Variants in ATIC observed in about 807,000 individuals in gnomAD.
ATIC encodes bifunctional purine biosynthesis protein ATIC.
A neutral mutation model predicts 72.5 loss-of-function variants in ATIC; 64 were observed. That is an observed-to-expected ratio of 0.88 (90% CI 0.72 to 1.09). The LOEUF (loss-of-function observed/expected upper bound fraction) is 1.09, where lower values mean the gene tolerates loss of function less well. ATIC is among the 50% of genes least tolerant of loss of function. The pLI, the probability that ATIC is intolerant of heterozygous loss-of-function variation, is 0.00. For missense variants in ATIC, 787 were observed against 732.4 expected (o/e 1.07, Z -0.86); for synonymous variants, 281 against 267.1 (o/e 1.05, Z -0.51).
chr2:215,329,777 T>G (rs946802278), intron 7 of ATIC, among the ~76,000 whole-genome samples: 2 of 152,186 alleles, frequency 1.3e-5, no homozygotes, highest in Admixed American at 6.5e-5. Flanking sequence ...ACTCTTTTTT[T>G]TTTGAGGCAG....
rs192617117 is a variant in ATIC, at chr2:215,344,735, G to T, written c.1228-44G>T. 3.6e-5 allele frequency: 57 copies of T among 1,567,740 alleles called. No individual in the cohort carries two copies. In the African/African-American group the frequency reaches 5.9e-4, roughly 16 times the overall value. On this transcript the variant is annotated intron_variant, in intron 12 of 15. Coordinates refer to ENST00000236959, the MANE Select transcript of ATIC (RefSeq NM_004044.7). The stretch of plus-strand genomic sequence containing the variant: ...AAAAAAGAAGCTTAAAGTTAAATGA[G>T]TTTAAAAGGCCCCATGCAATTTACC...
In ATIC at chr2:215,328,128, C is replaced by G. The variant is rs1203342662; in HGVS notation, c.688+1150C>G. Among the ~76,000 whole-genome samples, 5 of 151,900 alleles carry G rather than the reference C, an allele frequency of 3.3e-5. No individual in the cohort carries two copies. The East Asian group carries it at 9.7e-4, about 29-fold the overall frequency. On this transcript the variant is annotated intron_variant, in intron 7 of 15. Transcript: ENST00000236959. ...ACCTCAAGTTATCTGCCTATCTCAG[C>G]CTCCCAGAGTGCTGGGATTACAGGC...
chr2:215,328,076 G>A (rs35280333), intron 7 of ATIC, among the ~76,000 whole-genome samples: 20,029 of 151,626 alleles, frequency 0.13, 1,701 homozygotes, highest in South Asian at 0.22. Context: ...GTTTCACCAT[G>A]TTGGCCAGGC....
intron 4 of ATIC, among the ~76,000 whole-genome samples, chr2:215,322,318 A>G (rs559651272): frequency 6.8e-6 from 1 of 146,114 alleles, no homozygotes; most frequent in African/African-American, 2.6e-5. Flanking sequence ...ATTTTTGTGT[A>G]TATTTTCTTT....
Position 215,346,873 on chromosome 2 carries a change from A to G in ATIC, c.1435A>G (p.Lys479Glu), listed in dbSNP as rs1476986818. 5 of 1,614,098 alleles carry G rather than the reference A, an allele frequency of 3.1e-6. No individual in the cohort carries two copies. Among genetic ancestry groups the G allele is most frequent in the Admixed American group, 1.7e-5 (1 of 60,014 alleles). ...TCCACAAGTGCTTTCGATGAAGTTT[A>G]AAACAGGAGTGAAGAGAGCAGAAAT... ...HHPQVLSMKFKTGVKRAEISN... is the reference protein window; with the variant it reads ...HHPQVLSMKFETGVKRAEISN... The change falls in exon 14 of 16, where the codon AAA (lysine) becomes GAA (glutamate). Residue 479 changes from lysine (K) to glutamate (E), a missense_variant. Transcript: ENST00000236959.
chr2:215,326,793 G>A lies in ATIC; in HGVS notation c.532-29G>A, dbSNP rs773713616. On this transcript the variant is annotated intron_variant, in intron 6 of 15. Coordinates refer to ENST00000236959, the MANE Select transcript of ATIC (RefSeq NM_004044.7). ...GTCCCCACTTTGGAAAGTGCTGCTC[G>A]TGTCTCACAAAACTTACGCTTTTTG... The A allele has an allele frequency of 1.7e-5, 28 of 1,613,306 alleles. 1 individual carries two copies. Among genetic ancestry groups the A allele is most frequent in the African/African-American group, 2.7e-5 (2 of 74,878 alleles).
intron 7 of ATIC, among the ~76,000 whole-genome samples, chr2:215,329,463 A>C (rs1360420584): frequency 3.3e-5 from 5 of 152,156 alleles, no homozygotes; most frequent in Non-Finnish European, 1.5e-5. Context: ...ACATGGGCTT[A>C]TTTCCACAAT....
At chr2:215,348,046 G>A (rs2053090576) in intron 14 of ATIC, among the ~76,000 whole-genome samples, 1 of 152,156 alleles carries the variant, frequency 6.6e-6, no homozygotes, top group Admixed American at 6.6e-5. Context: ...CTTCACAGAA[G>A]GGGCATACTT....
intron 11 of ATIC, among the ~76,000 whole-genome samples, chr2:215,336,342 C>T (rs994569283): frequency 2.0e-5 from 3 of 152,162 alleles, no homozygotes; most frequent in African/African-American, 7.2e-5. Flanking sequence ...GTTGTGATGG[C>T]TCATGCCTAT....
rs2052822703 is a variant in ATIC, at chr2:215,326,137, A to G, written c.530A>G (p.Lys177Arg). The G allele has an allele frequency of 1.2e-6, 2 of 1,613,894 alleles. No individual in the cohort carries two copies. The highest frequency in any genetic ancestry group is 8.5e-7 in the Non-Finnish European group (1 of 1,179,864). Residue 177 changes from lysine (K) to arginine (R), a missense_variant and splice_region_variant, in exon 6 of 16, where the codon AAG (lysine) becomes AGG (arginine). Transcript: ENST00000236959. ...SLETRRQLAL[K>R]AFTHTAQYDE... ...GAGACTAGACGCCAGTTAGCCTTGA[A>G]GGTGGGATGCACTTTCATGATATTG...
At chr2:215,345,244 G>T in intron 13 of ATIC, 1 of 330,192 alleles carries the variant, frequency 3.0e-6, no homozygotes, top group South Asian at 2.6e-5. Flanking sequence ...CTATATTTTT[G>T]CAGCCTGCAG....
the ATIC span, among the ~76,000 whole-genome samples, chr2:215,368,251 T>C: frequency 1.3e-5 from 2 of 152,220 alleles, no homozygotes; most frequent in Non-Finnish European, 2.9e-5. Flanking sequence ...TCTTTTATTT[T>C]TCCCTTGCTT....
rs754481780 is a variant in ATIC at position 215,326,948 on chromosome 2, T to C, written c.658T>C (p.Tyr220His). The change falls in exon 7 of 16, where the codon TAC becomes CAC. Residue 220 changes from tyrosine to histidine, a missense_variant. By Grantham distance (83) the Tyr-to-His change is moderately conservative. Transcript: ENST00000236959. ...CCCACATCAGACCCCTGCCCAGCTG[T>C]ACACACTGCAGCCCAAGCTTCCCAT... is the stretch of plus-strand genomic sequence containing the variant. ...MNPHQTPAQL[Y>H]TLQPKLPITV... 1.9e-6 allele frequency: 3 copies of C among 1,614,184 alleles called. No homozygotes were observed. The East Asian group carries it at 6.7e-5, about 36-fold the overall frequency.
the ATIC span, among the ~76,000 whole-genome samples, chr2:215,360,053 C>T: frequency 3.3e-5 from 5 of 152,254 alleles, no homozygotes; most frequent in Admixed American, 1.3e-4. Flanking sequence ...ATTCTCCTAC[C>T]TCAGCCTTCT....
At chr2:215,336,902 C>A (rs1404096571) in intron 11 of ATIC, among the ~76,000 whole-genome samples, 2 of 152,228 alleles carry the variant, frequency 1.3e-5, no homozygotes, top group African/African-American at 4.8e-5. Flanking sequence ...TGTTTCCCAA[C>A]ACTTTTGTCA....
the ATIC span, among the ~76,000 whole-genome samples, chr2:215,358,694 T>G: frequency 6.6e-6 from 1 of 152,256 alleles, no homozygotes; most frequent in African/African-American, 2.4e-5. Context: ...ATGTGTTTAA[T>G]TTGCTATTCG....
intron 9 of ATIC, among the ~76,000 whole-genome samples, chr2:215,334,474 G>T (rs2052933379): frequency 6.6e-6 from 1 of 152,174 alleles, no homozygotes. Flanking sequence ...GGGATTACAG[G>T]CGTGATTTAT....
intron 4 of ATIC, among the ~76,000 whole-genome samples, chr2:215,322,092 A>C (rs549873855): frequency 1.4e-5 from 2 of 147,264 alleles, no homozygotes; most frequent in South Asian, 4.2e-4. Context: ...TAATAGAGAT[A>C]GGGTTTCACT....
At chr2:215,365,473 T>TAATTA in the ATIC span, 1 of 1,610,018 alleles carries the variant, frequency 6.2e-7, no homozygotes, top group Non-Finnish European at 8.5e-7. Flanking sequence ...GAATGCTTAA[T>TAATTA]AAGGCACTAA....
Sources: allele counts gnomAD v4.1 joint callset (sites outside exome capture counted in the v4.1 genomes callset), GRCh38; gene constraint gnomAD v4.1.1; transcripts MANE v1.5; gene names NCBI Gene and HGNC (gene_info 2026-07-23, HGNC 2026-07-21).